SFXN1: variants seen among roughly 807,000 people sequenced by gnomAD.
SFXN1 encodes sideroflexin-1.
Under a neutral mutation model 39.5 loss-of-function variants are expected in SFXN1, and 32 were observed. The observed-to-expected ratio is 0.81, with a 90% CI of 0.61 to 1.09. SFXN1 has a LOEUF of 1.09. Ranked by LOEUF, SFXN1 falls within the 50% of genes least tolerant of loss-of-function variation. The pLI, the probability that SFXN1 is intolerant of heterozygous loss-of-function variation, is 0.00. For missense variants in SFXN1, 402 were observed against 407.1 expected (o/e 0.99, Z 0.11); for synonymous variants, 136 against 146.5 (o/e 0.93, Z 0.52).
At chr5:175,515,714 G>A (rs188992331) in intron 7 of SFXN1, among the ~76,000 whole-genome samples, 3 of 152,302 alleles carry the variant, frequency 2.0e-5, no homozygotes, top group East Asian at 3.9e-4. Flanking sequence ...TAGCACCAGG[G>A]ACCCATTTCA....
In SFXN1 at chr5:175,511,517, A is replaced by G. The variant is rs1375493789; in HGVS notation, c.501A>G (p.Ala167=). The G allele has an allele frequency of 6.2e-7, 1 of 1,613,766 alleles. No homozygotes were observed. The highest frequency in any genetic ancestry group is 8.5e-7 in the Non-Finnish European group (1 of 1,179,756). ...TAGCAACAGCTCTAGGACTCAATGCATTGACCAAGGTACTCAGATTTTTAT... is the reference window on the plus strand; with the variant it reads ...TAGCAACAGCTCTAGGACTCAATGCGTTGACCAAGGTACTCAGATTTTTAT... The part of the protein sequence containing the change: ...GAVATALGLN[A]LTKHVSPLIG... Residue 167 remains alanine, a synonymous_variant, in exon 5 of 11, where the codon GCA becomes GCG. Transcript: ENST00000321442.
At chr5:175,511,892 C>G (rs908993528) in intron 5 of SFXN1, among the ~76,000 whole-genome samples, 1 of 152,054 alleles carries the variant, frequency 6.6e-6, no homozygotes, top group African/African-American at 2.4e-5. Flanking sequence ...CTCCTGCAAC[C>G]ACACTTAGCT....
chr5:175,500,210 A>T (rs191097508), intron 2 of SFXN1, among the ~76,000 whole-genome samples: 2 of 152,194 alleles, frequency 1.3e-5, no homozygotes, highest in South Asian at 2.1e-4. Context: ...TTACAAAAAA[A>T]CCAACTAGGA....
chr5:175,514,918 C>T (rs995900468), intron 7 of SFXN1, among the ~76,000 whole-genome samples: 1 of 152,206 alleles, frequency 6.6e-6, no homozygotes, highest in South Asian at 2.1e-4. Flanking sequence ...TAAAAGGAGG[C>T]TATGGAGCCC....
At position 175,526,990 on chromosome 5, in the gene SFXN1, A is replaced by G. The variant is rs968970598; in HGVS notation, c.*256A>G. On this transcript the variant is annotated 3_prime_UTR_variant, in exon 11 of 11. Transcript: ENST00000321442. ...TAGCTTTTATAGTCATTGTTTTTCA[A>G]AGACGATATACCAGCCCTCACCCAG... 17 of 475,246 alleles carry G rather than the reference A, an allele frequency of 3.6e-5. No homozygotes were observed. Among genetic ancestry groups the G allele is most frequent in the Non-Finnish European group, 3.7e-6 (1 of 268,240 alleles). The allele number at this position is 475,246 out of a possible 1,614,324, so 29.4% of individuals were successfully genotyped here.
chr5:175,492,167 A>G lies in SFXN1; in HGVS notation c.64A>G (p.Ile22Val), dbSNP rs766852019. The change falls in exon 2 of 11, where the codon ATT (isoleucine) becomes GTT (valine). Residue 22 changes from isoleucine (I) to valine (V), a missense_variant. Physicochemically the swap from Ile to Val is conservative, Grantham distance 29. Transcript: ENST00000321442. ...KEPRWDQSTF[I>V]GRANHFFTVT... ...ACCTCGATGGGATCAAAGCACTTTC[A>G]TTGGACGAGCCAATCATTTCTTCAC... 2 of 1,614,146 alleles carry G rather than the reference A, an allele frequency of 1.2e-6. No homozygotes were observed. The highest frequency in any genetic ancestry group is 1.7e-5 in the Admixed American group (1 of 60,018).
chr5:175,481,011 C>G (rs1759230525), intron 1 of SFXN1, among the ~76,000 whole-genome samples: 1 of 152,186 alleles, frequency 6.6e-6, no homozygotes, highest in African/African-American at 2.4e-5. Context: ...TTCAAAGTTA[C>G]TAAGTTTTTC....
In SFXN1 at chr5:175,488,903, A is replaced by G. The variant is rs1759551950; in HGVS notation, c.-9-3192A>G. On this transcript the variant is annotated intron_variant, in intron 1 of 10. Transcript: ENST00000321442. Reference sequence around the variant, plus strand: ...GTTTGTTGTTTGTTTGTTTTCCCCAACCATTTACTGCCTTCTAATATAATG... The same window carrying G: ...GTTTGTTGTTTGTTTGTTTTCCCCAGCCATTTACTGCCTTCTAATATAATG... Among the ~76,000 whole-genome samples, 4 of 152,076 alleles carry G rather than the reference A, an allele frequency of 2.6e-5. No homozygotes were observed. In the South Asian group the frequency reaches 6.2e-4, roughly 24 times the overall value.
chr5:175,492,685 A>G (rs759032551), intron 2 of SFXN1: 22 of 158,858 alleles, frequency 1.4e-4, no homozygotes, highest in Non-Finnish European at 2.5e-4. Flanking sequence ...TTATAGGCCC[A>G]GTAAGTAAAG....
intron 2 of SFXN1, among the ~76,000 whole-genome samples, chr5:175,507,059 A>G (rs2088893): frequency 0.2 from 30,346 of 152,102 alleles, 3,555 homozygotes; most frequent in South Asian, 0.35. Context: ...CAACAGGGCC[A>G]TGCTCCCTCT....
chr5:175,503,449 G>C (rs11134927), intron 2 of SFXN1, among the ~76,000 whole-genome samples: 1 of 151,944 alleles, frequency 6.6e-6, no homozygotes, highest in Non-Finnish European at 1.5e-5. Flanking sequence ...AATTTATTCC[G>C]AGAATGAAAA....
chr5:175,513,528 C>T lies in SFXN1; in HGVS notation c.662C>T (p.Ala221Val), dbSNP rs1450077203. ...AACCGCTTGGGGGAGTCGGCGAACGCTGCGAAACAAGCCATCACGCAAGTT... is the reference window on the plus strand; with the variant it reads ...AACCGCTTGGGGGAGTCGGCGAACGTTGCGAAACAAGCCATCACGCAAGTT... ...NGNRLGESAN[A>V]AKQAITQVVV... The change falls in exon 7 of 11, where the codon GCT becomes GTT. Residue 221 changes from alanine to valine, a missense_variant. Physicochemically the swap from Ala to Val is moderately conservative, Grantham distance 64. Coordinates refer to ENST00000321442, the MANE Select transcript of SFXN1 (RefSeq NM_022754.7). The T allele has an allele frequency of 6.2e-7, 1 of 1,613,994 alleles. No homozygotes were observed. Among genetic ancestry groups the T allele is most frequent in the Non-Finnish European group, 8.5e-7 (1 of 1,179,958 alleles).
intron 8 of SFXN1, among the ~76,000 whole-genome samples, chr5:175,519,072 C>G (rs1007713526): frequency 3.9e-5 from 6 of 152,186 alleles, no homozygotes; most frequent in Non-Finnish European, 8.8e-5. Context: ...GACACTCTAC[C>G]AAGTACATAC....
chr5:175,504,829 C>G (rs185439689), intron 2 of SFXN1, among the ~76,000 whole-genome samples: 1 of 151,880 alleles, frequency 6.6e-6, no homozygotes, highest in Non-Finnish European at 1.5e-5. Context: ...CCCGGGTTCA[C>G]GCCATTCTCC....
At chr5:175,510,323 A>G in intron 4 of SFXN1, 116 bp downstream of exon 4, 1 of 749,394 alleles carries the variant, frequency 1.3e-6, no homozygotes, top group South Asian at 1.9e-5. Flanking sequence ...TGTTCAGAAT[A>G]TTATGTAGCA....
Position 175,517,509 on chromosome 5 carries a change from T to C in SFXN1, c.774+846T>C, listed in dbSNP as rs1046630455. On this transcript the variant is annotated intron_variant, in intron 8 of 10. Coordinates refer to ENST00000321442, the MANE Select transcript of SFXN1 (RefSeq NM_022754.7). The stretch of plus-strand genomic sequence containing the variant: ...CACTGGCTACAAGGGAGCCTGGTTG[T>C]AGGTGTACTCCTTCAGACCTCAATG... Among the ~76,000 whole-genome samples the C allele has an allele frequency of 2.0e-5, 3 of 152,082 alleles. No individual in the cohort carries two copies. In the East Asian group the frequency reaches 5.8e-4, roughly 29 times the overall value.
Position 175,512,153 on chromosome 5 carries a change from G to A in SFXN1, c.553G>A (p.Val185Ile), listed in dbSNP as rs760911338. 8.2e-5 allele frequency: 133 copies of A among 1,614,024 alleles called. No homozygotes were observed. In the East Asian group the frequency reaches 1.6e-3, roughly 20 times the overall value. ...AGGACGTTTTGTTCCCTTTGCTGCC[G>A]TAGCTGCTGCTAATTGCATTAATAT... Reference protein sequence around the residue: ...LIGRFVPFAAVAAANCINIPL... With the variant: ...LIGRFVPFAAIAAANCINIPL... The change falls in exon 6 of 11, where the codon GTA becomes ATA. Residue 185 changes from valine to isoleucine, a missense_variant. Val to Ile is a conservative substitution (Grantham distance 29, BLOSUM62 3). Coordinates refer to ENST00000321442, the MANE Select transcript of SFXN1 (RefSeq NM_022754.7).
chr5:175,494,797 A>G (rs1759796106), intron 2 of SFXN1, among the ~76,000 whole-genome samples: 1 of 152,176 alleles, frequency 6.6e-6, no homozygotes, highest in African/African-American at 2.4e-5. Flanking sequence ...AAGTGCATCA[A>G]ACATAAACTC....
chr5:175,502,556 C>T (rs1760123130), intron 2 of SFXN1, among the ~76,000 whole-genome samples: 1 of 152,224 alleles, frequency 6.6e-6, no homozygotes. Flanking sequence ...AAATAACGTA[C>T]TGGCCGGGCA....
Sources: gnomAD v4.1 joint callset for allele counts (sites outside exome capture counted in the v4.1 genomes callset) on GRCh38, gnomAD v4.1.1 for gene constraint, MANE v1.5 for transcripts, NCBI Gene and HGNC (gene_info 2026-07-23, HGNC 2026-07-21) for gene names.